Variants in CFAP299 observed in about 807,000 individuals in gnomAD.
CFAP299 encodes the protein cilia- and flagella-associated protein 299.
In CFAP299, 21 loss-of-function variants were observed where a neutral mutation model predicts 27.0. That is an observed-to-expected ratio of 0.78 (90% CI 0.55 to 1.12). The LOEUF (loss-of-function observed/expected upper bound fraction) is 1.12, where lower values mean the gene tolerates loss of function less well. Ranked by LOEUF, CFAP299 falls within the 50% of genes most tolerant of loss-of-function variation. CFAP299 has a pLI of 0.00. For synonymous variants in CFAP299, 104 were observed against 98.1 expected (o/e 1.06, Z -0.36); for missense variants, 310 against 276.6 (o/e 1.12, Z -0.86).
chr4:80,688,301 T>G (rs1720372727), intron 3 of CFAP299, among the ~76,000 whole-genome samples: 1 of 152,244 alleles, frequency 6.6e-6, no homozygotes, highest in African/African-American at 2.4e-5. Context: ...TCTGACAGCT[T>G]TGAAGAGAGC....
chr4:80,465,345 T>G (rs1729650218), intron 2 of CFAP299, among the ~76,000 whole-genome samples: 1 of 152,082 alleles, frequency 6.6e-6, no homozygotes, highest in South Asian at 2.1e-4. Flanking sequence ...AGGAGGGTGA[T>G]GTAAGTGAGG....
rs140227054 is a variant in CFAP299 at position 80,819,073 on chromosome 4, G to A, written c.334-50920G>A. Among the ~76,000 whole-genome samples the A allele has an allele frequency of 2.3e-3, 357 of 152,114 alleles. 2 individuals carry two copies. Among genetic ancestry groups the A allele is most frequent in the African/African-American group, 8.3e-3 (346 of 41,536 alleles). On this transcript the variant is annotated intron_variant, in intron 3 of 5. Coordinates refer to ENST00000358105, the MANE Select transcript of CFAP299 (RefSeq NM_152770.3). ...GATTTTCTTTGATTTAAGTAAATTA[G>A]GAAGTCATTGTATATTAAATAGATT...
At chr4:80,362,238 C>T (rs1194948930) in intron 1 of CFAP299, among the ~76,000 whole-genome samples, 3 of 151,344 alleles carry the variant, frequency 2.0e-5, no homozygotes, top group Non-Finnish European at 4.4e-5. Flanking sequence ...TTCATCTGCT[C>T]CTCTTTATTT....
chr4:80,390,693 G>GTGTATATATGTATACACACATATA, intron 2 of CFAP299, among the ~76,000 whole-genome samples: 1 of 93,834 alleles, frequency 1.1e-5, no homozygotes, highest in South Asian at 4.3e-4. Context: ...ACACATATAT[G>GTGTATATATGTATACACACATATA]TGTATATATG....
In CFAP299 at chr4:80,514,999, G is replaced by A. The variant is rs192750380; in HGVS notation, c.243-68094G>A. ...ACCCAGAACGGTGTCTATTCTAATA[G>A]AAAGAAACAAATTCCTGGCGATGCA... On this transcript the variant is annotated intron_variant, in intron 2 of 5. Transcript: ENST00000358105. Among the ~76,000 whole-genome samples, 734 of 152,080 alleles carry A rather than the reference G, an allele frequency of 4.8e-3. 13 individuals carry two copies. The highest frequency in any genetic ancestry group is 3.1e-3 in the Non-Finnish European group (210 of 67,936).
intron 2 of CFAP299, among the ~76,000 whole-genome samples, chr4:80,576,763 C>CTAAG (rs1735886908): frequency 6.6e-6 from 1 of 152,082 alleles, no homozygotes; most frequent in Non-Finnish European, 1.5e-5. Flanking sequence ...TTTTAAGGAA[C>CTAAG]TAAGGCACAG....
In CFAP299 at chr4:80,951,322, T is replaced by A. The variant is rs538051544; in HGVS notation, c.606+6383T>A. On this transcript the variant is annotated intron_variant, in intron 5 of 5. Coordinates refer to ENST00000358105, the MANE Select transcript of CFAP299 (RefSeq NM_152770.3). ...AAACTTTCTGGATCCATGCTGAGTG[T>A]CACAAGGTTTGGAAGGCATGTGCAA... 1.4e-4 allele frequency among the ~76,000 whole-genome samples: 22 copies of A among 152,308 alleles called. No homozygotes were observed. In the South Asian group the frequency reaches 3.9e-3, roughly 27 times the overall value.
intron 1 of CFAP299, among the ~76,000 whole-genome samples, 192 bp from the exon 2 acceptor site, chr4:80,362,562 A>T (rs967140995): frequency 1.3e-5 from 2 of 151,992 alleles, no homozygotes; most frequent in African/African-American, 4.8e-5. Context: ...ACCAAATCAG[A>T]TGTGTATAAA....
chr4:80,622,912 A>G (rs1738681030), intron 3 of CFAP299, among the ~76,000 whole-genome samples: 1 of 152,206 alleles, frequency 6.6e-6, no homozygotes, highest in African/African-American at 2.4e-5. Flanking sequence ...CTCTCAAGAA[A>G]GGAGGTTAGC....
intron 2 of CFAP299, among the ~76,000 whole-genome samples, chr4:80,442,797 C>A (rs997561572): frequency 1.3e-5 from 2 of 151,844 alleles, no homozygotes; most frequent in Non-Finnish European, 2.9e-5. Flanking sequence ...AGTAGCCGGA[C>A]AAACAAAGAA....
chr4:80,601,169 G>A (rs1737328814), intron 3 of CFAP299, among the ~76,000 whole-genome samples: 3 of 152,118 alleles, frequency 2.0e-5, no homozygotes. Context: ...ACTCAAAGAG[G>A]TGATAACTTA....
At chr4:80,956,744 A>G (rs1322540295) in intron 5 of CFAP299, among the ~76,000 whole-genome samples, 1 of 152,016 alleles carries the variant, frequency 6.6e-6, no homozygotes, top group African/African-American at 2.4e-5. Context: ...CACCATGCCC[A>G]ATCTCCTTTT....
chr4:80,353,427 A>G (rs1174731975), intron 1 of CFAP299, among the ~76,000 whole-genome samples: 1 of 152,178 alleles, frequency 6.6e-6, no homozygotes, highest in Admixed American at 6.5e-5. Context: ...CCACATCCCA[A>G]AGTCTGTTGT....
At chr4:80,499,227 C>T (rs937744103) in intron 2 of CFAP299, among the ~76,000 whole-genome samples, 2 of 152,058 alleles carry the variant, frequency 1.3e-5, no homozygotes, top group African/African-American at 2.4e-5. Flanking sequence ...TGCATTTTCC[C>T]TCTGAATCCA....
At chr4:80,331,955 G>A (rs1721957538), upstream of CFAP299, among the ~76,000 whole-genome samples, 1 of 152,152 alleles carries the variant, frequency 6.6e-6, no homozygotes, top group South Asian at 2.1e-4. Flanking sequence ...AAGGAGAAAA[G>A]GGGCTAGCAA....
intron 3 of CFAP299, among the ~76,000 whole-genome samples, chr4:80,773,695 T>C (rs1020123870): frequency 2.0e-5 from 3 of 152,086 alleles, no homozygotes; most frequent in African/African-American, 7.2e-5. Flanking sequence ...AATTTTTTTG[T>C]AATAATTTGG....
intron 3 of CFAP299, among the ~76,000 whole-genome samples, chr4:80,846,682 T>G (rs1438407957): frequency 6.6e-6 from 1 of 152,178 alleles, no homozygotes; most frequent in Non-Finnish European, 1.5e-5. Flanking sequence ...TAACCCATAA[T>G]TAGTACTGTT....
intron 4 of CFAP299, among the ~76,000 whole-genome samples, chr4:80,916,365 G>A (rs1329718722): frequency 1.4e-5 from 2 of 147,510 alleles, no homozygotes; most frequent in Non-Finnish European, 3.0e-5. Flanking sequence ...TGGGCATTGT[G>A]GATTTTACAT....
At chr4:80,638,979 G>A (rs1739589335) in intron 3 of CFAP299, among the ~76,000 whole-genome samples, 1 of 152,090 alleles carries the variant, frequency 6.6e-6, no homozygotes, top group Non-Finnish European at 1.5e-5. Flanking sequence ...TTCTTCCTGT[G>A]CCCTAATGGA....
Sources: allele counts gnomAD v4.1 joint callset (sites outside exome capture counted in the v4.1 genomes callset), GRCh38; gene constraint gnomAD v4.1.1; transcripts MANE v1.5; gene names NCBI Gene and HGNC (gene_info 2026-07-23, HGNC 2026-07-21).